Variants in DIP2C observed in about 807,000 individuals in gnomAD.
DIP2C encodes the protein disco-interacting protein 2 homolog C.
Under a neutral mutation model 192.4 loss-of-function variants are expected in DIP2C, and 33 were observed. The ratio of observed to expected loss-of-function variants is 0.17; its 90% CI spans 0.13 to 0.23. The LOEUF (loss-of-function observed/expected upper bound fraction) is 0.23, where lower values mean the gene tolerates loss of function less well. Among genes scored for constraint, DIP2C ranks in the 10% least tolerant of loss-of-function variants. The probability of loss-of-function intolerance (pLI) is 1.00; values close to 1 mark genes in which losing one functional copy is unlikely to be tolerated. For missense variants in DIP2C, 1,537 were observed against 2,110.1 expected (o/e 0.73, Z 5.32); for synonymous variants, 979 against 864.1 (o/e 1.13, Z -2.33).
At chr10:389,051 G>T (rs1208046040) in intron 13 of DIP2C, among the ~76,000 whole-genome samples, 2 of 148,362 alleles carry the variant, frequency 1.3e-5, no homozygotes, top group Admixed American at 1.3e-4. Context: ...AGGGGCCTCG[G>T]GCCATCCCAA....
intron 9 of DIP2C, among the ~76,000 whole-genome samples, chr10:404,285 T>C (rs1964648568): frequency 1.3e-5 from 2 of 151,864 alleles, no homozygotes; most frequent in South Asian, 2.1e-4. Context: ...CTCGGCTCAC[T>C]GCAACCTCTG....
At chr10:614,746 C>G (rs1449586900) in intron 1 of DIP2C, among the ~76,000 whole-genome samples, 1 of 152,252 alleles carries the variant, frequency 6.6e-6, no homozygotes, top group Non-Finnish European at 1.5e-5. Flanking sequence ...TTAAAGGAGC[C>G]TCTGGCTACG....
intron 1 of DIP2C, among the ~76,000 whole-genome samples, chr10:531,706 C>A (rs781760712): frequency 6.6e-6 from 1 of 152,030 alleles, no homozygotes; most frequent in Non-Finnish European, 1.5e-5. Flanking sequence ...GTGGGGAAAT[C>A]AGGATGCAAG....
At chr10:484,757 G>A in intron 2 of DIP2C, 2 of 1,607,018 alleles carry the variant, frequency 1.2e-6, no homozygotes, top group Non-Finnish European at 1.7e-6. Flanking sequence ...CTGTGGGGCT[G>A]GCTCTCAGCA....
intron 1 of DIP2C, among the ~76,000 whole-genome samples, chr10:545,747 T>C (rs1848252592): frequency 6.6e-6 from 1 of 152,196 alleles, no homozygotes; most frequent in East Asian, 1.9e-4. Context: ...TTGAGCTATT[T>C]TTTTGTGTAG....
At chr10:475,407 G>A (rs765442290) in intron 2 of DIP2C, among the ~76,000 whole-genome samples, 35 of 152,154 alleles carry the variant, frequency 2.3e-4, no homozygotes, top group Admixed American at 3.9e-4. Context: ...GTGGCCTGAC[G>A]TTTTTAATGT....
At chr10:490,415 G>A (rs943775602) in intron 1 of DIP2C, among the ~76,000 whole-genome samples, 5 of 152,198 alleles carry the variant, frequency 3.3e-5, no homozygotes, top group East Asian at 1.9e-4. Context: ...CCCGCTAGGC[G>A]TATCCACTGC....
chr10:288,984 G>A (rs117796034), intron 32 of DIP2C, among the ~76,000 whole-genome samples: 3,106 of 152,324 alleles, frequency 0.02, 47 homozygotes, highest in Middle Eastern at 0.041. Context: ...CAAGGACATC[G>A]CAGCAGGCCA....
chr10:338,138 GTGTT>G (rs780938936), intron 29 of DIP2C, among the ~76,000 whole-genome samples: 44 of 152,232 alleles, frequency 2.9e-4, no homozygotes, highest in African/African-American at 1.0e-3. Context: ...GTTGTATAAT[GTGTT>G]TGTGTTATAA....
rs180955782 is a variant in DIP2C at position 465,477 on chromosome 10, C to G, written c.268+6962G>C. 2.0e-5 allele frequency among the ~76,000 whole-genome samples: 3 copies of G among 151,882 alleles called. No individual in the cohort carries two copies. In the East Asian group the frequency reaches 5.8e-4, roughly 29 times the overall value. On this transcript the variant is annotated intron_variant, in intron 3 of 36. Transcript: ENST00000280886. The stretch of plus-strand genomic sequence containing the variant: ...GAAGCATTCCCTTTGAAAACTGGCA[C>G]GACACAGGGATGCCCTCTCTCACCA...
chr10:426,793 T>TAC, intron 4 of DIP2C, among the ~76,000 whole-genome samples: 1 of 152,158 alleles, frequency 6.6e-6, no homozygotes, highest in Non-Finnish European at 1.5e-5. Context: ...GGCAACTGGG[T>TAC]ACCCAACACA....
chr10:447,677 A>G (rs1968384556), intron 3 of DIP2C, among the ~76,000 whole-genome samples: 1 of 127,900 alleles, frequency 7.8e-6, no homozygotes, highest in East Asian at 2.2e-4. Flanking sequence ...CCCCATTGAT[A>G]TTCAGGATCA....
At chr10:632,957 G>A (rs534708861) in intron 1 of DIP2C, among the ~76,000 whole-genome samples, 6 of 151,730 alleles carry the variant, frequency 4.0e-5, no homozygotes, top group South Asian at 2.1e-4. Flanking sequence ...GGCCAGCACC[G>A]TAACTGGAGA....
At chr10:541,254 C>T (rs890680832) in intron 1 of DIP2C, among the ~76,000 whole-genome samples, 6 of 152,312 alleles carry the variant, frequency 3.9e-5, no homozygotes, top group African/African-American at 1.4e-4. Context: ...CTGAGGTGTC[C>T]TCTGTCACAG....
intron 1 of DIP2C, among the ~76,000 whole-genome samples, chr10:553,676 T>C (rs1447152309): frequency 6.6e-6 from 1 of 152,236 alleles, no homozygotes; most frequent in African/African-American, 2.4e-5. Flanking sequence ...ATATAGCTTG[T>C]AACTTTAAGA....
chr10:596,526 A>G (rs572764923), intron 1 of DIP2C, among the ~76,000 whole-genome samples: 1 of 144,530 alleles, frequency 6.9e-6, no homozygotes, highest in Non-Finnish European at 1.5e-5. Flanking sequence ...AAAAAAAAAA[A>G]GTATTAAGTT....
chr10:540,753 G>A (rs763932537), intron 1 of DIP2C, among the ~76,000 whole-genome samples: 27 of 152,222 alleles, frequency 1.8e-4, no homozygotes, highest in Non-Finnish European at 3.2e-4. Context: ...TCTAATTACT[G>A]TCTGCCATTT....
intron 1 of DIP2C, among the ~76,000 whole-genome samples, chr10:581,007 G>A (rs1331504514): frequency 6.6e-6 from 1 of 152,204 alleles, no homozygotes; most frequent in Non-Finnish European, 1.5e-5. Flanking sequence ...TTGACTCACA[G>A]TATTCTGGCA....
In DIP2C at chr10:612,904, T is replaced by C. The variant is rs192855353; in HGVS notation, c.85+76590A>G. Among the ~76,000 whole-genome samples, 683 of 152,334 alleles carry C rather than the reference T, an allele frequency of 4.5e-3. 19 individuals are homozygous for C. The highest frequency in any genetic ancestry group is 1.5e-3 in the Non-Finnish European group (100 of 68,032). ...TTACGGAAAGCACTGGCTGACTTGCTGGTTTACTGTTAAATGCATGTAAAA... is the reference window on the plus strand; with the variant it reads ...TTACGGAAAGCACTGGCTGACTTGCCGGTTTACTGTTAAATGCATGTAAAA... On this transcript the variant is annotated intron_variant, in intron 1 of 36. Coordinates refer to ENST00000280886, the MANE Select transcript of DIP2C (RefSeq NM_014974.3).
Sources: gnomAD v4.1 joint callset for allele counts (sites outside exome capture counted in the v4.1 genomes callset) on GRCh38, gnomAD v4.1.1 for gene constraint, MANE v1.5 for transcripts, NCBI Gene and HGNC (gene_info 2026-07-23, HGNC 2026-07-21) for gene names.